Variants in LRRC1 observed in about 807,000 individuals in gnomAD.
LRRC1 encodes the protein leucine-rich repeat-containing protein 1.
A neutral mutation model predicts 69.9 loss-of-function variants in LRRC1; 28 were observed. That is an observed-to-expected ratio of 0.40 (90% CI 0.30 to 0.55). LRRC1 has a LOEUF of 0.55. Among genes scored for constraint, LRRC1 ranks in the 20% least tolerant of loss-of-function variants. The pLI is 0.47. For synonymous variants in LRRC1, 236 were observed against 240.2 expected, an observed-to-expected ratio of 0.98 and a Z score of 0.16; for missense variants, 498 against 609.0, an observed-to-expected ratio of 0.82 and a Z score of 1.92.
intron 4 of LRRC1, chr6:53,884,179 T>A (rs1189592852): frequency 1.7e-5 from 10 of 587,134 alleles, no homozygotes; most frequent in Non-Finnish European, 3.0e-5. Flanking sequence ...ACAATTCACT[T>A]TTGCTGTATC....
At chr6:53,819,167 T>A (rs758885611) in intron 1 of LRRC1, among the ~76,000 whole-genome samples, 8 of 152,160 alleles carry the variant, frequency 5.3e-5, no homozygotes, top group Non-Finnish European at 1.2e-4. Context: ...CTTGAGTGTC[T>A]TGTCAGAAAG....
chr6:53,853,555 G>C (rs914036086), intron 2 of LRRC1, among the ~76,000 whole-genome samples: 2 of 152,128 alleles, frequency 1.3e-5, no homozygotes, highest in African/African-American at 2.4e-5. Flanking sequence ...AAAGTGCTGG[G>C]ATTACAGGTG....
At position 53,795,221 on chromosome 6, in the gene LRRC1, C is replaced by T. The variant is rs1420207558; in HGVS notation, c.-36C>T. On this transcript the variant is annotated 5_prime_UTR_variant, in exon 1 of 14. Transcript: ENST00000370888. Reference sequence around the variant, plus strand: ...GCGGGCTCGGAGCCCGGGTCTCCGCCGCTCGGGACCCGGCTAGGCGGCGGC... The same window carrying T: ...GCGGGCTCGGAGCCCGGGTCTCCGCTGCTCGGGACCCGGCTAGGCGGCGGC... The T allele has an allele frequency of 3.2e-6, 5 of 1,562,588 alleles. No homozygotes were observed. Among genetic ancestry groups the T allele is most frequent in the Non-Finnish European group, 3.5e-6 (4 of 1,159,090 alleles).
intron 10 of LRRC1, among the ~76,000 whole-genome samples, chr6:53,908,786 A>G (rs1024450882): frequency 2.0e-5 from 3 of 152,164 alleles, no homozygotes; most frequent in Admixed American, 1.3e-4. Context: ...TAAGGAAAAG[A>G]TGTATTTACT....
At chr6:53,862,447 T>TTG (rs759428700) in intron 2 of LRRC1, among the ~76,000 whole-genome samples, 1 of 151,918 alleles carries the variant, frequency 6.6e-6, no homozygotes, top group Non-Finnish European at 1.5e-5. Flanking sequence ...CACCTTTACT[T>TTG]TGTGTGTGTG....
chr6:53,920,970 TTTC>T (rs1562076625), intron 13 of LRRC1, among the ~76,000 whole-genome samples: 1 of 152,002 alleles, frequency 6.6e-6, no homozygotes, highest in African/African-American at 2.4e-5. Context: ...GGTTTTTTTT[TTTC>T]TTCTTCTTTT....
Position 53,842,184 on chromosome 6 carries a change from A to G in LRRC1, c.234A>G (p.Ile78Met). ...DNEIQRLPPE[I>M]ANFMQLVELD... is the part of the protein sequence containing the mutation. ...AAATTCAGCGGCTCCCTCCAGAAAT[A>G]GCAAACTTCATGCAGCTGGTGGAAC... is the stretch of plus-strand genomic sequence containing the variant. The change falls in exon 2 of 14, where the codon ATA becomes ATG. Residue 78 changes from isoleucine (I) to methionine (M), a missense_variant. Ile to Met is a conservative substitution (Grantham distance 10). Transcript: ENST00000370888. 1 of 1,614,088 alleles carries G rather than the reference A, an allele frequency of 6.2e-7. No homozygotes were observed. Among genetic ancestry groups the G allele is most frequent in the African/African-American group, 1.3e-5 (1 of 75,058 alleles).
intron 2 of LRRC1, among the ~76,000 whole-genome samples, chr6:53,848,235 C>A (rs1349029159): frequency 6.6e-6 from 1 of 152,210 alleles, no homozygotes; most frequent in East Asian, 1.9e-4. Context: ...TATCCGCTTT[C>A]CCATTGTGAG....
At chr6:53,855,378 A>G (rs1254281269) in intron 2 of LRRC1, among the ~76,000 whole-genome samples, 2 of 152,210 alleles carry the variant, frequency 1.3e-5, no homozygotes, top group Non-Finnish European at 2.9e-5. Flanking sequence ...AGTGGGTCTG[A>G]GCAAATTAGG....
At chr6:53,922,352 GC>G (rs1211803796) in intron 13 of LRRC1, among the ~76,000 whole-genome samples, 13 of 152,114 alleles carry the variant, frequency 8.5e-5, no homozygotes, top group Non-Finnish European at 1.5e-4. Flanking sequence ...TGTTTATGGA[GC>G]CTTTTTATTT....
At chr6:53,832,581 T>C (rs886654249) in intron 1 of LRRC1, among the ~76,000 whole-genome samples, 2 of 152,372 alleles carry the variant, frequency 1.3e-5, no homozygotes, top group Non-Finnish European at 2.9e-5. Context: ...ATTGGATATC[T>C]GTTTGACTGC....
At chr6:53,857,871 G>T (rs1446209040) in intron 2 of LRRC1, among the ~76,000 whole-genome samples, 3 of 152,190 alleles carry the variant, frequency 2.0e-5, no homozygotes, top group African/African-American at 7.2e-5. Context: ...TTTCCTGCTG[G>T]ATCTGCCAGT....
intron 3 of LRRC1, among the ~76,000 whole-genome samples, chr6:53,879,881 G>T (rs1767224550): frequency 6.6e-6 from 1 of 152,122 alleles, no homozygotes; most frequent in Non-Finnish European, 1.5e-5. Flanking sequence ...CAGGCATCTT[G>T]TTACTAGGAT....
chr6:53,922,264 T>A (rs1768761940), intron 13 of LRRC1, among the ~76,000 whole-genome samples: 1 of 152,154 alleles, frequency 6.6e-6, no homozygotes, highest in Admixed American at 6.5e-5. Context: ...TAATTTAGGA[T>A]TTTTTATTTA....
intron 2 of LRRC1, among the ~76,000 whole-genome samples, chr6:53,860,383 A>C (rs1020370504): frequency 1.3e-5 from 2 of 152,234 alleles, no homozygotes; most frequent in African/African-American, 2.4e-5. Flanking sequence ...TGAAGTTTAA[A>C]TGTATTAGAA....
chr6:53,858,857 G>A (rs1167817477), intron 2 of LRRC1, among the ~76,000 whole-genome samples: 4 of 152,176 alleles, frequency 2.6e-5, no homozygotes, highest in Non-Finnish European at 5.9e-5. Context: ...ATAAATCAGA[G>A]ATGATGGGTG....
intron 4 of LRRC1, among the ~76,000 whole-genome samples, chr6:53,886,512 C>A (rs1047226900): frequency 2.0e-5 from 3 of 152,148 alleles, no homozygotes; most frequent in Non-Finnish European, 4.4e-5. Context: ...TGGTGCAGTT[C>A]AAAGACAATC....
chr6:53,914,106 A>C, intron 11 of LRRC1, 137 bp downstream of exon 11: 1 of 592,094 alleles, frequency 1.7e-6, no homozygotes. Flanking sequence ...CCTAGGCCTC[A>C]GGGAGTTCCT....
At chr6:53,800,954 T>TA (rs1432733259) in intron 1 of LRRC1, among the ~76,000 whole-genome samples, 18 of 152,332 alleles carry the variant, frequency 1.2e-4, no homozygotes, top group Admixed American at 2.0e-4. Flanking sequence ...ATACATTTTT[T>TA]AAAAAAATCA....
Sources: gnomAD v4.1 joint callset for allele counts (sites outside exome capture counted in the v4.1 genomes callset) on GRCh38, gnomAD v4.1.1 for gene constraint, MANE v1.5 for transcripts, NCBI Gene and HGNC (gene_info 2026-07-23, HGNC 2026-07-21) for gene names.